The following GSPT1 variants were observed in gnomAD, a reference collection of about 807,000 sequenced individuals.
GSPT1 encodes eukaryotic peptide chain release factor GTP-binding subunit ERF3A.
Under a neutral mutation model 72.5 loss-of-function variants are expected in GSPT1, and 20 were observed. That is an observed-to-expected ratio of 0.28 (90% CI 0.19 to 0.40). The LOEUF (loss-of-function observed/expected upper bound fraction) is 0.40, where lower values mean the gene tolerates loss of function less well. Ranked by LOEUF, GSPT1 falls within the 10% of genes least tolerant of loss-of-function variation. The pLI, the probability that GSPT1 is intolerant of heterozygous loss-of-function variation, is 1.00. For synonymous variants in GSPT1, 334 were observed against 293.5 expected (o/e 1.14, Z -1.41); for missense variants, 580 against 811.9 (o/e 0.71, Z 3.47).
At chr16:11,893,216 T>C (rs2054291913) in intron 5 of GSPT1, among the ~76,000 whole-genome samples, 2 of 151,928 alleles carry the variant, frequency 1.3e-5, no homozygotes, top group East Asian at 3.9e-4. Context: ...GCTATCATCC[T>C]CCCCCCTATA....
At chr16:11,905,002 A>T (rs2054470688) in intron 1 of GSPT1, among the ~76,000 whole-genome samples, 1 of 152,222 alleles carries the variant, frequency 6.6e-6, no homozygotes, top group African/African-American at 2.4e-5. Flanking sequence ...TGGGAGGTGG[A>T]GGCTGCAGTG....
At chr16:11,916,025 C>A, upstream of GSPT1, 1 of 652,368 alleles carries the variant, frequency 1.5e-6, no homozygotes, top group East Asian at 3.3e-5. Context: ...GGATTGACCC[C>A]TCGCCGCCAC....
chr16:11,889,138 C>G (rs951209939), intron 6 of GSPT1, among the ~76,000 whole-genome samples: 1 of 151,720 alleles, frequency 6.6e-6, no homozygotes, highest in African/African-American at 2.4e-5. Context: ...GAAACCCTGT[C>G]TCTACTAAAA....
At chr16:11,874,646 A>G (rs2054018070) in intron 14 of GSPT1, among the ~76,000 whole-genome samples, 1 of 152,130 alleles carries the variant, frequency 6.6e-6, no homozygotes, top group Non-Finnish European at 1.5e-5. Context: ...CAGTTTTACT[A>G]TCAACCAGAA....
chr16:11,913,533 C>T (rs1451658636), intron 1 of GSPT1, among the ~76,000 whole-genome samples: 1 of 152,140 alleles, frequency 6.6e-6, no homozygotes, highest in East Asian at 1.9e-4. Flanking sequence ...GAGGTAATAC[C>T]TAGTCACCAA....
rs2053983910 is a variant in GSPT1 at position 11,871,932 on chromosome 16, C to CT, written c.*1186dup. 1 of 152,182 alleles carries CT rather than the reference C, an allele frequency of 6.6e-6. No individual in the cohort carries two copies. Among genetic ancestry groups the CT allele is most frequent in the South Asian group, 2.1e-4 (1 of 4,830 alleles). 9.4% of individuals were successfully genotyped at this position (152,182 alleles called of 1,614,324 possible). A position where few individuals can be genotyped will look rare whatever the true frequency, so the allele number is the denominator to read the frequency against. Reference sequence around the variant, plus strand: ...AATTTCAGCTTTACACTTAAGAAAACTCAGTCAATTTCAAATAATTGAGAT... The same window carrying CT: ...AATTTCAGCTTTACACTTAAGAAAACTTCAGTCAATTTCAAATAATTGAGAT... On this transcript the variant is annotated 3_prime_UTR_variant, in exon 15 of 15. Coordinates refer to ENST00000434724, the MANE Select transcript of GSPT1 (RefSeq NM_002094.4).
At position 11,872,224 on chromosome 16, in the gene GSPT1, CT is replaced by C. The variant is rs2053986978; in HGVS notation, c.*894del. On this transcript the variant is annotated 3_prime_UTR_variant, in exon 15 of 15. Coordinates refer to ENST00000434724, the MANE Select transcript of GSPT1 (RefSeq NM_002094.4). ...GAATTTTTGCCAGGTCTCAAACATG[CT>C]TTATTTGTTGTTAATTCCACTAATT... The C allele has an allele frequency of 6.6e-6, 1 of 152,070 alleles. No individual in the cohort carries two copies. Among genetic ancestry groups the C allele is most frequent in the African/African-American group, 2.4e-5 (1 of 41,422 alleles). The allele number at this position is 152,070 out of a possible 1,614,324, so 9.4% of individuals were successfully genotyped here.
At chr16:11,895,140 G>C in intron 4 of GSPT1, 153 bp from the exon 5 acceptor site, 1 of 574,888 alleles carries the variant, frequency 1.7e-6, no homozygotes, top group South Asian at 2.0e-5. Context: ...TTTTGAAAAT[G>C]AGCCTCAAGG....
In GSPT1 at chr16:11,892,534, A is replaced by T. The variant is rs1250876389; in HGVS notation, c.699-1395T>A. ...AAAAACAAAAAAAACAAAAAAAACA[A>T]AAAATAAAAAATGGCCGGGCACGGT... On this transcript the variant is annotated intron_variant, in intron 5 of 14. Coordinates refer to ENST00000434724, the MANE Select transcript of GSPT1 (RefSeq NM_002094.4). Among the ~76,000 whole-genome samples, 32 of 149,644 alleles carry T rather than the reference A, an allele frequency of 2.1e-4. 1 individual carries two copies. The highest frequency in any genetic ancestry group is 1.4e-3 in the East Asian group (7 of 5,110).
chr16:11,877,544 C>A lies in GSPT1; in HGVS notation c.1465G>T (p.Val489Leu). 6.2e-7 allele frequency: 1 copy of A among 1,602,498 alleles called. No homozygotes were observed. The highest frequency in any genetic ancestry group is 8.5e-7 in the Non-Finnish European group (1 of 1,176,306). ...CCTGGGGCTACGGTATCAGTCTCTA[C>A]ATCATCGGAAAGTATTCCAAGAACT... ...VEVLGILSDD[V>L]ETDTVAPGEN... The change falls in exon 12 of 15, where the codon GTA (valine) becomes TTA (leucine). Residue 489 changes from valine to leucine, a missense_variant. Val to Leu is a conservative substitution (Grantham distance 32, BLOSUM62 1). Transcript: ENST00000434724. The surrounding 1 kb of genome is among the most constrained non-coding windows in gnomAD (Gnocchi z 4.0).
chr16:11,911,139 T>C (rs1458977867), intron 1 of GSPT1, among the ~76,000 whole-genome samples: 1 of 152,158 alleles, frequency 6.6e-6, no homozygotes, highest in Non-Finnish European at 1.5e-5. Context: ...CAAAAACACA[T>C]TCTCAAATAC....
At position 11,868,359 on chromosome 16, in the gene GSPT1, G is replaced by GA. The variant is rs1555502858; in HGVS notation, c.*4759_*4760insT. 73 of 138,424 alleles carry GA rather than the reference G, an allele frequency of 5.3e-4. 1 individual carries two copies. The highest frequency in any genetic ancestry group is 1.9e-3 in the African/African-American group (72 of 37,438). The allele number at this position is 138,424 out of a possible 1,614,324, so 8.6% of individuals were successfully genotyped here. Reference sequence around the variant, plus strand: ...AACCTGATCAGTTCCCTTTAATCCTGTTTTTTTTTTTTTTTTTTAAATGAG... The same window carrying GA: ...AACCTGATCAGTTCCCTTTAATCCTGATTTTTTTTTTTTTTTTTTAAATGAG... On this transcript the variant is annotated 3_prime_UTR_variant, in exon 15 of 15. Transcript: ENST00000434724.
intron 1 of GSPT1, among the ~76,000 whole-genome samples, chr16:11,902,554 C>A (rs2054425482): frequency 6.6e-6 from 1 of 151,618 alleles, no homozygotes; most frequent in Non-Finnish European, 1.5e-5. Context: ...AACACCAGTA[C>A]TGCCTGTGAT....
upstream of GSPT1, chr16:11,916,146 G>C (rs539336580): frequency 1.0e-3 from 388 of 371,326 alleles, 1 homozygote; most frequent in South Asian, 1.8e-3. Flanking sequence ...ACCCCGCTGC[G>C]GTTTTCCCGG....
rs900576960 is a variant in GSPT1, at chr16:11,911,693, C to T, written c.352+3676G>A. Reference sequence around the variant, plus strand: ...TCAGCCTCCCCAGTAGCTGGGACTACGGGCGCGCACCACCATGCCTGGCTA... The same window carrying T: ...TCAGCCTCCCCAGTAGCTGGGACTATGGGCGCGCACCACCATGCCTGGCTA... On this transcript the variant is annotated intron_variant, in intron 1 of 14. Coordinates refer to ENST00000434724, the MANE Select transcript of GSPT1 (RefSeq NM_002094.4). Among the ~76,000 whole-genome samples, 22 of 151,542 alleles carry T rather than the reference C, an allele frequency of 1.5e-4. No individual in the cohort carries two copies. In the South Asian group the frequency reaches 2.7e-3, roughly 19 times the overall value.
Position 11,887,893 on chromosome 16 carries a change from G to A in GSPT1, c.777-143C>T, listed in dbSNP as rs1422201303. ...GTGAAATGAAAATTGAGCCGGGTGC[G>A]GTGGCTCACATCTGTAATCTGAGCA... On this transcript the variant is annotated intron_variant, in intron 6 of 14. Transcript: ENST00000434724. 30 of 662,540 alleles carry A rather than the reference G, an allele frequency of 4.5e-5. 1 individual carries two copies. Among genetic ancestry groups the A allele is most frequent in the South Asian group, 3.2e-4 (16 of 49,730 alleles). 41.0% of individuals were successfully genotyped at this position (662,540 alleles called of 1,614,324 possible). A position where few individuals can be genotyped will look rare whatever the true frequency, so the allele number is the denominator to read the frequency against.
chr16:11,873,028 T>C lies in GSPT1; in HGVS notation c.*91A>G, dbSNP rs779634778. 4.1e-6 allele frequency: 3 copies of C among 732,310 alleles called. No homozygotes were observed. Among genetic ancestry groups the C allele is most frequent in the Non-Finnish European group, 7.2e-6 (3 of 414,116 alleles). 45.4% of individuals were successfully genotyped at this position (732,310 alleles called of 1,614,324 possible). On this transcript the variant is annotated 3_prime_UTR_variant, in exon 15 of 15. Transcript: ENST00000434724. ...TTTGCAAAATATGGGGAGAGGTTTA[T>C]CAATGGGCAGAAAATAAGAGAAGGC...
chr16:11,910,949 T>C (rs1014856899), intron 1 of GSPT1, among the ~76,000 whole-genome samples: 1 of 152,164 alleles, frequency 6.6e-6, no homozygotes, highest in Non-Finnish European at 1.5e-5. Flanking sequence ...CATTCATACG[T>C]GTAAAACCAT....
Position 11,883,015 on chromosome 16 carries a change from C to G in GSPT1, c.1428G>C (p.Lys476Asn). 6.3e-7 allele frequency: 1 copy of G among 1,584,318 alleles called. No homozygotes were observed. The highest frequency in any genetic ancestry group is 8.7e-7 in the Non-Finnish European group (1 of 1,152,924). The change falls in exon 11 of 15, where the codon AAG becomes AAC. Residue 476 changes from lysine (K) to asparagine (N), a missense_variant and splice_region_variant. By Grantham distance (94) the Lys-to-Asn change is moderately conservative. Coordinates refer to ENST00000434724, the MANE Select transcript of GSPT1 (RefSeq NM_002094.4). ...KGQQLVMMPN[K>N]HNVEVLGILS... The stretch of plus-strand genomic sequence containing the variant: ...AGGAAACAGCATAACCGATTCTTAC[C>G]TTGTTTGGCATCATCACAAGCTGCT...
Sources: allele counts gnomAD v4.1 joint callset (sites outside exome capture counted in the v4.1 genomes callset), GRCh38; gene constraint gnomAD v4.1.1; non-coding constraint Gnocchi (gnomAD v3.1); transcripts MANE v1.5; gene names NCBI Gene and HGNC (gene_info 2026-07-23, HGNC 2026-07-21).